Variants in KIF1B observed in about 807,000 individuals in gnomAD.
KIF1B encodes kinesin family member 1B.
KIF1B carries 76 observed loss-of-function variants against 241.9 expected under a neutral mutation model. The ratio of observed to expected loss-of-function variants is 0.31; its 90% CI spans 0.26 to 0.38. The LOEUF (loss-of-function observed/expected upper bound fraction) is 0.38, where lower values mean the gene tolerates loss of function less well. Among genes scored for constraint, KIF1B ranks in the 10% least tolerant of loss-of-function variants. KIF1B has a pLI of 1.00. For missense variants in KIF1B, 1,622 were observed against 2,271.4 expected (o/e 0.71, Z 5.81); for synonymous variants, 750 against 796.7 (o/e 0.94, Z 0.99).
intron 31 of KIF1B, among the ~76,000 whole-genome samples, chr1:10,338,867 G>T (rs1455552259): frequency 1.3e-5 from 2 of 152,232 alleles, no homozygotes; most frequent in Non-Finnish European, 2.9e-5. Flanking sequence ...TGGAGCACTT[G>T]GCAAAAGCAT....
chr1:10,337,819 C>T lies in KIF1B; in HGVS notation c.3422+286C>T, dbSNP rs1395025290. ...GGAATGTAGGGTCTGATCACATAAG[C>T]CTGTTGATGAGTCTTTCTAGTCCTC... On this transcript the variant is annotated intron_variant, in intron 31 of 48. Transcript: ENST00000676179. This position sits in a 1 kb window ranked among gnomAD's most constrained non-coding sequence, Gnocchi z 4.0. Among the ~76,000 whole-genome samples, 1 of 152,152 alleles carries T rather than the reference C, an allele frequency of 6.6e-6. No individual in the cohort carries two copies. The highest frequency in any genetic ancestry group is 1.5e-5 in the Non-Finnish European group (1 of 68,024).
At chr1:10,333,781 T>C (rs1382823739) in intron 27 of KIF1B, among the ~76,000 whole-genome samples, 1 of 152,188 alleles carries the variant, frequency 6.6e-6, no homozygotes, top group Admixed American at 6.5e-5. Context: ...CCCATTTCCC[T>C]GCCTTTTTTG....
chr1:10,306,758 A>T (rs986941551), intron 22 of KIF1B: 59 of 122,468 alleles, frequency 4.8e-4, no homozygotes, highest in Admixed American at 7.0e-4. Flanking sequence ...ACCTGTCTTT[A>T]AAAAAAAAAA....
At chr1:10,304,618 C>T (rs1046649783) in intron 22 of KIF1B, 1 of 1,614,020 alleles carries the variant, frequency 6.2e-7, no homozygotes, top group Admixed American at 1.7e-5. Context: ...AGCACCCAAT[C>T]TCAAAGCTGG....
chr1:10,348,676 A>G lies in KIF1B; in HGVS notation c.3892A>G (p.Ile1298Val), dbSNP rs529804940. 4 of 1,614,162 alleles carry G rather than the reference A, an allele frequency of 2.5e-6. No homozygotes were observed. Among genetic ancestry groups the G allele is most frequent in the African/African-American group, 1.3e-5 (1 of 75,058 alleles). Reference protein sequence around the residue: ...QGIQRRITVTIIHEKGSELHW... With the variant: ...QGIQRRITVTVIHEKGSELHW... ...CATCCAGCGAAGGATCACAGTGACC[A>G]TTATCCATGAGAAGGGGAGCGAGCT... is the stretch of plus-strand genomic sequence containing the variant. Residue 1298 changes from isoleucine (I) to valine (V), a missense_variant, in exon 37 of 49, where the codon ATT becomes GTT. Ile to Val is a conservative substitution (Grantham distance 29, BLOSUM62 3). This residue lies in a region of KIF1B where 803 missense variants were observed against 1,112.0 expected (regional missense o/e 0.72). Coordinates refer to ENST00000676179, the MANE Select transcript of KIF1B (RefSeq NM_001365951.3).
Position 10,378,578 on chromosome 1 carries a change from T to C in KIF1B, c.*1991T>C. The C allele has an allele frequency of 3.2e-6, 2 of 617,076 alleles. No homozygotes were observed. The highest frequency in any genetic ancestry group is 5.3e-5 in the Admixed American group (2 of 37,436). 38.2% of individuals were successfully genotyped at this position (617,076 alleles called of 1,614,324 possible). ...ACTCCCACTTGGTGAGTCCTCGGCC[T>C]TGAGGTTGCTGACTCTCAGGCGTTA... On this transcript the variant is annotated 3_prime_UTR_variant, in exon 49 of 49. Transcript: ENST00000676179.
rs11121552 is a variant in KIF1B, at chr1:10,375,266, C to A, written c.5301C>A (p.Thr1767=). The change falls in exon 48 of 49, where the codon ACC becomes ACA. Residue 1767 remains threonine (T), a synonymous_variant. Coordinates refer to ENST00000676179, the MANE Select transcript of KIF1B (RefSeq NM_001365951.3). ...DQQAMVKTPN[T]FAVCTKHRGV... ...CATTTTTCTTTCAGACACCAAACAC[C>A]TTTGCTGTCTGCACAAAGCACCGTG... 0.29 allele frequency: 462,981 copies of A among 1,611,190 alleles called. 69,030 individuals carry two copies. The highest frequency in any genetic ancestry group is 0.33 in the Admixed American group (19,907 of 60,012).
At chr1:10,264,247 G>A (rs1648318827) in intron 5 of KIF1B, among the ~76,000 whole-genome samples, 1 of 152,106 alleles carries the variant, frequency 6.6e-6, no homozygotes, top group Non-Finnish European at 1.5e-5. Context: ...AAGCTCACTG[G>A]GGCAGGGTTC....
intron 22 of KIF1B, chr1:10,306,096 T>C (rs1650816496): frequency 9.6e-7 from 1 of 1,042,124 alleles, no homozygotes; most frequent in African/African-American, 1.7e-5. Flanking sequence ...ATCATAGTAT[T>C]TTTTCTTTGC....
At chr1:10,348,774 C>A in intron 37 of KIF1B, 41 bp downstream of exon 37, 4 of 1,478,964 alleles carry the variant, frequency 2.7e-6, no homozygotes, top group Non-Finnish European at 2.8e-6. Context: ...CCAGGACTTA[C>A]AGAGATTTTT....
chr1:10,227,128 C>T (rs113259863), intron 1 of KIF1B, among the ~76,000 whole-genome samples: 1,580 of 149,682 alleles, frequency 0.011, 12 homozygotes, highest in Non-Finnish European at 0.015. Flanking sequence ...CTCTGCCTCC[C>T]GGGTTCAAAC....
chr1:10,350,387 G>A lies in KIF1B; in HGVS notation c.3949+1654G>A, dbSNP rs1033409972. Among the ~76,000 whole-genome samples, 10 of 151,692 alleles carry A rather than the reference G, an allele frequency of 6.6e-5. No homozygotes were observed. In the East Asian group the frequency reaches 1.2e-3, roughly 18 times the overall value. On this transcript the variant is annotated intron_variant, in intron 37 of 48. Transcript: ENST00000676179. ...ATCCTGGCTAACACGGTGAAACCCC[G>A]TCTCTACTAAAAATACAAAAAAATT...
chr1:10,368,488 A>T lies in KIF1B; in HGVS notation c.4774A>T (p.Thr1592Ser). Residue 1592 changes from threonine to serine, a missense_variant, in exon 44 of 49, where the codon ACT (threonine) becomes TCT (serine). Around this residue, in one of 7 missense-constraint regions of KIF1B, gnomAD observed 357 missense variants for 409.0 expected, o/e 0.87. Transcript: ENST00000676179. ...TTAGTGCCTGCAACTTCTCACCCAC[A>T]CTTTCAACAGAGAATTCAGCCAGGT... Reference protein sequence around the residue: ...ATKCLQLLTHTFNREFSQVHG... With the variant: ...ATKCLQLLTHSFNREFSQVHG... The T allele has an allele frequency of 6.2e-7, 1 of 1,613,922 alleles. No homozygotes were observed. The highest frequency in any genetic ancestry group is 8.5e-7 in the Non-Finnish European group (1 of 1,179,916).
intron 1 of KIF1B, among the ~76,000 whole-genome samples, chr1:10,218,094 C>T (rs926750934): frequency 8.5e-5 from 13 of 152,068 alleles, no homozygotes; most frequent in African/African-American, 2.9e-4. Flanking sequence ...TTCCTATTTG[C>T]TCTCTCCTGC....
rs760365164 is a variant in KIF1B, at chr1:10,365,150, C to T, written c.4417C>T (p.Arg1473Trp). The change falls in exon 42 of 49, where the codon CGG becomes TGG. Residue 1473 changes from arginine to tryptophan, a missense_variant. Physicochemically the swap from Arg to Trp is moderately radical, Grantham distance 101. Around this residue, in one of 7 missense-constraint regions of KIF1B, gnomAD observed 803 missense variants for 1,112.0 expected, o/e 0.72. Transcript: ENST00000676179. This position sits in a 1 kb window ranked among gnomAD's most constrained non-coding sequence, Gnocchi z 4.0. ...KILDTSVAYV[R>W]GEENLAGWRP... ...CTTAGATACGTCAGTGGCATATGTG[C>T]GGGGAGAAGAGAACTTAGCAGGCTG... is the stretch of plus-strand genomic sequence containing the variant. 3 of 1,613,714 alleles carry T rather than the reference C, an allele frequency of 1.9e-6. No individual in the cohort carries two copies. Among genetic ancestry groups the T allele is most frequent in the Admixed American group, 1.7e-5 (1 of 59,960 alleles).
At chr1:10,221,197 A>G (rs1372165591) in intron 1 of KIF1B, among the ~76,000 whole-genome samples, 1 of 145,018 alleles carries the variant, frequency 6.9e-6, no homozygotes, top group African/African-American at 2.6e-5. Flanking sequence ...TCCGAGGTTC[A>G]AGCAATTCTC....
At chr1:10,356,943 G>C (rs2102339613) in intron 38 of KIF1B, among the ~76,000 whole-genome samples, 1 of 152,110 alleles carries the variant, frequency 6.6e-6, no homozygotes, top group East Asian at 1.9e-4. Flanking sequence ...GCGGTAGCAT[G>C]ATCATAGCTC....
intron 15 of KIF1B, among the ~76,000 whole-genome samples, chr1:10,286,035 T>C (rs1426221386): frequency 6.6e-6 from 1 of 152,042 alleles, no homozygotes; most frequent in Non-Finnish European, 1.5e-5. Context: ...TGTCACACCA[T>C]TGTAAAGATG....
intron 27 of KIF1B, among the ~76,000 whole-genome samples, chr1:10,327,489 G>A (rs555831245): frequency 6.4e-5 from 9 of 141,270 alleles, no homozygotes; most frequent in East Asian, 2.0e-4. Context: ...TGACAAGAGC[G>A]AAACTCCGTC....
Sources: allele counts gnomAD v4.1 joint callset (sites outside exome capture counted in the v4.1 genomes callset), GRCh38; gene constraint gnomAD v4.1.1; regional missense constraint gnomAD v4.1.1; non-coding constraint Gnocchi (gnomAD v3.1); transcripts MANE v1.5; gene names NCBI Gene and HGNC (gene_info 2026-07-23, HGNC 2026-07-21).